The following PPARA variants were observed in gnomAD, a reference collection of about 807,000 sequenced individuals.
The protein encoded by PPARA is peroxisome proliferator activated receptor alpha.
In PPARA, 22 loss-of-function variants were observed where a neutral mutation model predicts 42.2. That is an observed-to-expected ratio of 0.52 (90% CI 0.37 to 0.74). The LOEUF (loss-of-function observed/expected upper bound fraction) is 0.74. PPARA is among the 30% of genes least tolerant of loss of function. The pLI, the probability that PPARA is intolerant of heterozygous loss-of-function variation, is 0.00. For synonymous variants in PPARA, 242 were observed against 239.3 expected, an observed-to-expected ratio of 1.01 and a Z score of -0.10; for missense variants, 465 against 608.2, an observed-to-expected ratio of 0.76 and a Z score of 2.48.
Position 46,191,405 on chromosome 22 carries a change from G to A in PPARA, c.-42-6937G>A, listed in dbSNP as rs141028643. Among the ~76,000 whole-genome samples the A allele has an allele frequency of 1.3e-5, 2 of 151,598 alleles. No homozygotes were observed. The highest frequency in any genetic ancestry group is 2.1e-4 in the South Asian group (1 of 4,772). On this transcript the variant is annotated intron_variant, in intron 3 of 8. Transcript: ENST00000407236. The surrounding 1 kb of genome is among the most constrained non-coding windows in gnomAD (Gnocchi z 4.6). ...AAACCACTTCCTTTTATCACAGGAC[G>A]CTTCCCAAGCTCTGCAACTGTTGCT...
rs933752067 is a variant in PPARA, at chr22:46,191,684, G to A, written c.-42-6658G>A. Among the ~76,000 whole-genome samples the A allele has an allele frequency of 3.9e-5, 6 of 152,296 alleles. No individual in the cohort carries two copies. Among genetic ancestry groups the A allele is most frequent in the South Asian group, 2.1e-4 (1 of 4,824 alleles). ...GGTGACAGCAGGCTGTGGCTGCGGC[G>A]ACAGAGCTGAGGTGAATTCTCACAG... is the stretch of plus-strand genomic sequence containing the variant. On this transcript the variant is annotated intron_variant, in intron 3 of 8. Coordinates refer to ENST00000407236, the MANE Select transcript of PPARA (RefSeq NM_005036.6). The surrounding 1 kb of genome is among the most constrained non-coding windows in gnomAD (Gnocchi z 4.6).
rs753339404 is a variant in PPARA, at chr22:46,173,729, C to T, written c.-126-3024C>T. ...TGGGTCAATTAACAAAATTTGAATA[C>T]GAATCATAGATTGAACTGTATCTGT... On this transcript the variant is annotated intron_variant, in intron 2 of 8. Coordinates refer to ENST00000407236, the MANE Select transcript of PPARA (RefSeq NM_005036.6). The surrounding 1 kb of genome is among the most constrained non-coding windows in gnomAD (Gnocchi z 4.3). Among the ~76,000 whole-genome samples, 6 of 152,128 alleles carry T rather than the reference C, an allele frequency of 3.9e-5. No homozygotes were observed. Among genetic ancestry groups the T allele is most frequent in the South Asian group, 2.1e-4 (1 of 4,830 alleles).
In PPARA at chr22:46,183,124, C is replaced by G. The variant is rs2147272167; in HGVS notation, c.-43+6288C>G. Among the ~76,000 whole-genome samples, 1 of 152,354 alleles carries G rather than the reference C, an allele frequency of 6.6e-6. No homozygotes were observed. Among genetic ancestry groups the G allele is most frequent in the South Asian group, 2.1e-4 (1 of 4,832 alleles). On this transcript the variant is annotated intron_variant, in intron 3 of 8. Coordinates refer to ENST00000407236, the MANE Select transcript of PPARA (RefSeq NM_005036.6). This position sits in a 1 kb window ranked among gnomAD's most constrained non-coding sequence, Gnocchi z 5.5. ...GTGGCTTTGGCTCTGAAATCCTCATCTGAGGACCCACACTCGGGTGCCCCA... is the reference window on the plus strand; with the variant it reads ...GTGGCTTTGGCTCTGAAATCCTCATGTGAGGACCCACACTCGGGTGCCCCA...
At chr22:46,170,112 G>GTTT (rs201147764) in intron 2 of PPARA, among the ~76,000 whole-genome samples, 1 of 142,900 alleles carries the variant, frequency 7.0e-6, no homozygotes. Flanking sequence ...ATTCATCTTT[G>GTTT]TTTTTTTTTT....
At chr22:46,197,423 G>T (rs969465432) in intron 3 of PPARA, among the ~76,000 whole-genome samples, 3 of 152,224 alleles carry the variant, frequency 2.0e-5, no homozygotes, top group Admixed American at 1.3e-4. Flanking sequence ...CAGCTGCGCA[G>T]TCAGTGATGA....
intron 2 of PPARA, among the ~76,000 whole-genome samples, chr22:46,169,681 A>G (rs755326888): frequency 3.9e-5 from 6 of 152,082 alleles, no homozygotes; most frequent in Non-Finnish European, 8.8e-5. Context: ...TTTATAGTGT[A>G]TCTATATCTA....
rs1420766489 is a variant in PPARA at position 46,196,228 on chromosome 22, T to C, written c.-42-2114T>C. Among the ~76,000 whole-genome samples, 2 of 152,234 alleles carry C rather than the reference T, an allele frequency of 1.3e-5. No individual in the cohort carries two copies. The highest frequency in any genetic ancestry group is 1.9e-4 in the East Asian group (1 of 5,206). On this transcript the variant is annotated intron_variant, in intron 3 of 8. Coordinates refer to ENST00000407236, the MANE Select transcript of PPARA (RefSeq NM_005036.6). The surrounding 1 kb of genome is among the most constrained non-coding windows in gnomAD (Gnocchi z 5.6). Reference sequence around the variant, plus strand: ...GGAAGAACCGCTGCTTTGTCACTTATACCCCTATGGAAATGCCGTTCGCTT... The same window carrying C: ...GGAAGAACCGCTGCTTTGTCACTTACACCCCTATGGAAATGCCGTTCGCTT...
At chr22:46,178,534 C>G (rs149710937) in intron 3 of PPARA, among the ~76,000 whole-genome samples, 1 of 152,214 alleles carries the variant, frequency 6.6e-6, no homozygotes, top group African/African-American at 2.4e-5. Flanking sequence ...CAAAATAGAG[C>G]TGAGAGTCCA....
At chr22:46,197,301 C>T (rs138328867) in intron 3 of PPARA, among the ~76,000 whole-genome samples, 69 of 150,322 alleles carry the variant, frequency 4.6e-4, no homozygotes, top group African/African-American at 1.7e-3. Context: ...CCGCCCGCCT[C>T]GGCCTCCCAA....
At chr22:46,172,369 C>T (rs1348858912) in intron 2 of PPARA, among the ~76,000 whole-genome samples, 1 of 150,772 alleles carries the variant, frequency 6.6e-6, no homozygotes, top group Non-Finnish European at 1.5e-5. Context: ...TGGCTCACGC[C>T]TGTAATCCCA....
At chr22:46,207,839 A>G (rs1933543229) in intron 4 of PPARA, among the ~76,000 whole-genome samples, 2 of 151,482 alleles carry the variant, frequency 1.3e-5, no homozygotes, top group Admixed American at 6.6e-5. Context: ...ATATACTACC[A>G]TGCCCAGCCA....
At chr22:46,186,146 A>G (rs964859288) in intron 3 of PPARA, among the ~76,000 whole-genome samples, 1 of 151,496 alleles carries the variant, frequency 6.6e-6, no homozygotes, top group Non-Finnish European at 1.5e-5. Flanking sequence ...GAACTTAGAT[A>G]CCACAGGATT....
At chr22:46,170,899 C>T (rs867133814) in intron 2 of PPARA, among the ~76,000 whole-genome samples, 5 of 151,502 alleles carry the variant, frequency 3.3e-5, no homozygotes, top group African/African-American at 1.2e-4. Flanking sequence ...CAGTGGTTCA[C>T]GCCTGTAATC....
chr22:46,218,352 C>A lies in PPARA; in HGVS notation c.459C>A (p.Cys153Ter). The A allele has an allele frequency of 6.2e-7, 1 of 1,614,066 alleles. No homozygotes were observed. The highest frequency in any genetic ancestry group is 8.5e-7 in the Non-Finnish European group (1 of 1,180,004). ...TCCAGAAAAAGAACAGAAACAAATG[C>A]CAGTATTGTCGATTTCACAAGTGCC... ...CKIQKKNRNK[C>*]QYCRFHKCLS... The change falls in exon 6 of 9, where the codon TGC becomes TGA. Residue 153 changes from cysteine (C) to a stop codon, truncating the protein, a stop_gained. Transcript: ENST00000407236. LOFTEE classifies it high-confidence loss of function.
At chr22:46,207,742 A>G (rs1479592714) in intron 4 of PPARA, among the ~76,000 whole-genome samples, 2 of 124,900 alleles carry the variant, frequency 1.6e-5, no homozygotes, top group Non-Finnish European at 3.1e-5. Context: ...GGAGTGTGCT[A>G]GTGCCATCGT....
In PPARA at chr22:46,163,487, CT is replaced by C. The variant is rs1926530601; in HGVS notation, c.-127+11518del. The stretch of plus-strand genomic sequence containing the variant: ...CCTGAAAAGCAAATGAGCCCTCATG[CT>C]CACGATTTCACCACAGTCACATAAG... On this transcript the variant is annotated intron_variant, in intron 2 of 8. Coordinates refer to ENST00000407236, the MANE Select transcript of PPARA (RefSeq NM_005036.6). The surrounding 1 kb of genome is among the most constrained non-coding windows in gnomAD (Gnocchi z 4.9). 1 of 152,248 alleles carries C rather than the reference CT, an allele frequency of 6.6e-6. No individual in the cohort carries two copies. The highest frequency in any genetic ancestry group is 2.1e-4 in the South Asian group (1 of 4,832). 9.4% of individuals were successfully genotyped at this position (152,248 alleles called of 1,614,324 possible). A position where few individuals can be genotyped will look rare whatever the true frequency, so the allele number is the denominator to read the frequency against.
At chr22:46,168,202 A>AT (rs1927379007) in intron 2 of PPARA, among the ~76,000 whole-genome samples, 3 of 150,702 alleles carry the variant, frequency 2.0e-5, no homozygotes, top group Non-Finnish European at 3.0e-5. Flanking sequence ...AATACAAAAA[A>AT]TTAGCCGGAC....
intron 4 of PPARA, among the ~76,000 whole-genome samples, chr22:46,205,777 G>T (rs772555498): frequency 4.1e-4 from 62 of 151,208 alleles, no homozygotes; most frequent in Non-Finnish European, 8.7e-4. Flanking sequence ...ACATTTAGGT[G>T]CATAAACATT....
In PPARA at chr22:46,192,119, G is replaced by A. The variant is rs896726619; in HGVS notation, c.-42-6223G>A. ...GAACACCTGCTACACAGCAGGGATT[G>A]TGCTAGAAGTATGGATGCAAAGATT... On this transcript the variant is annotated intron_variant, in intron 3 of 8. Transcript: ENST00000407236. This position sits in a 1 kb window ranked among gnomAD's most constrained non-coding sequence, Gnocchi z 4.3. 4.6e-5 allele frequency among the ~76,000 whole-genome samples: 7 copies of A among 152,352 alleles called. No individual in the cohort carries two copies. The highest frequency in any genetic ancestry group is 1.9e-4 in the East Asian group (1 of 5,184).
Sources: gnomAD v4.1 joint callset for allele counts (sites outside exome capture counted in the v4.1 genomes callset) on GRCh38, gnomAD v4.1.1 for gene constraint, Gnocchi (gnomAD v3.1) non-coding constraint, MANE v1.5 for transcripts, NCBI Gene and HGNC (gene_info 2026-07-23, HGNC 2026-07-21) for gene names.